Variants in EXOC1 observed in about 807,000 individuals in gnomAD.
The protein encoded by EXOC1 is SEC3-like 1.
Under a neutral mutation model 107.7 loss-of-function variants are expected in EXOC1, and 67 were observed. The observed-to-expected ratio is 0.62, with a 90% CI of 0.51 to 0.76. EXOC1 has a LOEUF of 0.76. Ranked by LOEUF, EXOC1 falls within the 30% of genes least tolerant of loss-of-function variation. The probability of loss-of-function intolerance (pLI) is 0.00; values close to 1 mark genes in which losing one functional copy is unlikely to be tolerated. For missense variants in EXOC1, 833 were observed against 1,055.7 expected (o/e 0.79, Z 2.92); for synonymous variants, 348 against 353.5 (o/e 0.98, Z 0.17).
intron 9 of EXOC1, chr4:55,883,374 G>T (rs1723582911): frequency 6.6e-6 from 1 of 152,250 alleles, no homozygotes; most frequent in South Asian, 2.1e-4. Context: ...GAGATGAAAA[G>T]CTTATTGTAA....
chr4:55,887,095 T>G (rs541533166), intron 10 of EXOC1, among the ~76,000 whole-genome samples: 2 of 152,308 alleles, frequency 1.3e-5, no homozygotes, highest in East Asian at 3.9e-4. Context: ...ACAAATTTAA[T>G]GAAATGACAG....
At chr4:55,883,083 G>A (rs1723559786) in intron 9 of EXOC1, 1 of 151,990 alleles carries the variant, frequency 6.6e-6, no homozygotes, top group Admixed American at 6.5e-5. Context: ...TTATTTAAGC[G>A]AGAATTAATC....
chr4:55,878,655 C>T (rs552718518), intron 9 of EXOC1, among the ~76,000 whole-genome samples: 2 of 152,270 alleles, frequency 1.3e-5, no homozygotes, highest in South Asian at 4.1e-4. Context: ...CAATATCAGA[C>T]TTCAGTTGAT....
chr4:55,889,015 A>G (rs1000399563), intron 11 of EXOC1, 83 bp downstream of exon 11: 25 of 1,467,978 alleles, frequency 1.7e-5, no homozygotes, highest in Non-Finnish European at 2.4e-5. Flanking sequence ...AAAAAAGGTA[A>G]CACCAAAAAT....
In EXOC1 at chr4:55,894,614, C is replaced by CTTTTTTTTTT. The variant is rs772700227; in HGVS notation, c.1953+850_1953+859dup. On this transcript the variant is annotated intron_variant, in intron 15 of 18. Transcript: ENST00000381295. ...TTGACAACTTTCTTACTATCTGTTA[C>CTTTTTTTTTT]TTTTTTTTTTTTTTTTTTTTTTTTT... Among the ~76,000 whole-genome samples, 100 of 76,124 alleles carry CTTTTTTTTTT rather than the reference C, an allele frequency of 1.3e-3. 1 individual carries two copies. The highest frequency in any genetic ancestry group is 1.5e-3 in the Non-Finnish European group (65 of 43,456). The allele number at this position is 76,124 out of a possible 152,430, so 49.9% of individuals were successfully genotyped here. A position where few individuals can be genotyped will look rare whatever the true frequency, so the allele number is the denominator to read the frequency against.
chr4:55,890,603 A>G (rs1400856840), intron 12 of EXOC1, among the ~76,000 whole-genome samples: 1 of 152,062 alleles, frequency 6.6e-6, no homozygotes, highest in East Asian at 1.9e-4. Flanking sequence ...TAAAAGCTTT[A>G]TTAAAATTTG....
intron 16 of EXOC1, among the ~76,000 whole-genome samples, chr4:55,897,210 T>A (rs900482764): frequency 5.3e-5 from 8 of 151,042 alleles, no homozygotes; most frequent in African/African-American, 1.9e-4. Flanking sequence ...CACTGCAACC[T>A]CCACCTCCCA....
At chr4:55,892,375 A>G (rs1724662138) in intron 13 of EXOC1, among the ~76,000 whole-genome samples, 2 of 152,006 alleles carry the variant, frequency 1.3e-5, no homozygotes, top group South Asian at 4.2e-4. Flanking sequence ...GTACCTCCCT[A>G]CTTCCCCTCA....
rs189040917 is a variant in EXOC1 at position 55,877,621 on chromosome 4, G to C, written c.1075-296G>C. On this transcript the variant is annotated intron_variant, in intron 8 of 18. Coordinates refer to ENST00000381295, the MANE Select transcript of EXOC1 (RefSeq NM_001024924.2). ...GTGAAATATGGTATGAGAGAGACAA[G>C]CTTCATTAAAACGTTCCATCTTCAT... 263 of 985,324 alleles carry C rather than the reference G, an allele frequency of 2.7e-4. 3 individuals carry two copies. The African/African-American group carries it at 4.3e-3, about 16-fold the overall frequency. The allele number at this position is 985,324 out of a possible 1,614,324, so 61.0% of individuals were successfully genotyped here.
intron 18 of EXOC1, 42 bp downstream of exon 18, chr4:55,902,580 C>T (rs777554281): frequency 8.6e-6 from 12 of 1,388,396 alleles, no homozygotes; most frequent in Non-Finnish European, 9.4e-6. Flanking sequence ...AAGATCCTTA[C>T]ATATATTGCT....
At chr4:55,901,653 G>C (rs1024332946) in intron 17 of EXOC1, among the ~76,000 whole-genome samples, 1 of 151,986 alleles carries the variant, frequency 6.6e-6, no homozygotes, top group Non-Finnish European at 1.5e-5. Context: ...TATAGCCAAA[G>C]AATTATAAAA....
At chr4:55,868,582 A>G in intron 5 of EXOC1, 59 bp downstream of exon 5, 2 of 1,495,560 alleles carry the variant, frequency 1.3e-6, no homozygotes, top group Non-Finnish European at 1.8e-6. Context: ...AAGGCTAATG[A>G]TGTTCATATT....
intron 1 of EXOC1, among the ~76,000 whole-genome samples, chr4:55,856,439 G>A (rs1400960725): frequency 6.6e-6 from 1 of 152,210 alleles, no homozygotes; most frequent in Non-Finnish European, 1.5e-5. Context: ...GAAGTGGGAA[G>A]ATGTGAATTT....
At chr4:55,895,566 T>C (rs1725104159) in intron 15 of EXOC1, among the ~76,000 whole-genome samples, 1 of 152,218 alleles carries the variant, frequency 6.6e-6, no homozygotes, top group African/African-American at 2.4e-5. Context: ...TTCTAATCCA[T>C]GTGTCATATG....
intron 15 of EXOC1, among the ~76,000 whole-genome samples, chr4:55,894,189 G>A (rs1195275306): frequency 6.6e-6 from 1 of 152,082 alleles, no homozygotes; most frequent in African/African-American, 2.4e-5. Context: ...GCCGGGCGTG[G>A]TAGCACATGC....
chr4:55,867,685 G>A (rs561586042), intron 4 of EXOC1, among the ~76,000 whole-genome samples: 20 of 152,068 alleles, frequency 1.3e-4, no homozygotes, highest in African/African-American at 4.6e-4. Flanking sequence ...CCATGTTGTT[G>A]TTGCTCTTAC....
chr4:55,865,025 A>G (rs1214015714), intron 4 of EXOC1, among the ~76,000 whole-genome samples: 7 of 152,188 alleles, frequency 4.6e-5, no homozygotes, highest in African/African-American at 1.7e-4. Flanking sequence ...CTTATCTCAG[A>G]ACTAGAGATA....
At chr4:55,855,886 A>G (rs1266966643) in intron 1 of EXOC1, among the ~76,000 whole-genome samples, 2 of 152,196 alleles carry the variant, frequency 1.3e-5, no homozygotes, top group Non-Finnish European at 2.9e-5. Context: ...CTCTATAATA[A>G]GCCAAAAGGA....
intron 9 of EXOC1, among the ~76,000 whole-genome samples, chr4:55,880,364 A>G (rs73238385): frequency 0.14 from 21,175 of 151,710 alleles, 1,866 homozygotes; most frequent in East Asian, 0.48. Flanking sequence ...TAGCTATTTT[A>G]GGTGAGATTA....
Sources: allele counts gnomAD v4.1 joint callset (sites outside exome capture counted in the v4.1 genomes callset), GRCh38; gene constraint gnomAD v4.1.1; transcripts MANE v1.5; gene names NCBI Gene and HGNC (gene_info 2026-07-23, HGNC 2026-07-21).